HADHA: variants seen among roughly 807,000 people sequenced by gnomAD.
HADHA encodes trifunctional enzyme subunit alpha, mitochondrial.
Under a neutral mutation model 91.3 loss-of-function variants are expected in HADHA, and 59 were observed. The observed-to-expected ratio is 0.65, with a 90% confidence interval of 0.52 to 0.80. The LOEUF is 0.80. Among genes scored for constraint, HADHA ranks in the 30% least tolerant of loss-of-function variants. The pLI is 0.00. For missense variants in HADHA, 800 were observed against 927.6 expected (o/e 0.86, Z 1.79); for synonymous variants, 320 against 338.9 (o/e 0.94, Z 0.61).
chr2:26,244,484 C>A, intron 1 of HADHA, 46 bp downstream of exon 1: 13 of 1,546,108 alleles, frequency 8.4e-6, no homozygotes, highest in Middle Eastern at 1.7e-4. Flanking sequence ...CCAGTCCCGG[C>A]AGGAGTTCTG....
chr2:26,216,083 C>T (rs923136870), intron 7 of HADHA, among the ~76,000 whole-genome samples: 3 of 152,178 alleles, frequency 2.0e-5, no homozygotes, highest in Admixed American at 6.5e-5. Context: ...GCCTGGGCAA[C>T]ATAGTGAGAC....
chr2:26,216,424 GA>G (rs1670222692), intron 7 of HADHA, among the ~76,000 whole-genome samples: 1 of 148,630 alleles, frequency 6.7e-6, no homozygotes, highest in South Asian at 2.1e-4. Flanking sequence ...AGTTTCAAGC[GA>G]TTCTCCTGCC....
At chr2:26,211,181 T>G (rs1670091179) in intron 10 of HADHA, among the ~76,000 whole-genome samples, 1 of 152,210 alleles carries the variant, frequency 6.6e-6, no homozygotes, top group African/African-American at 2.4e-5. Flanking sequence ...CTGAGCACAA[T>G]GCACACAGGA....
intron 5 of HADHA, among the ~76,000 whole-genome samples, chr2:26,232,779 G>A (rs1670654113): frequency 6.6e-6 from 1 of 152,216 alleles, no homozygotes; most frequent in African/African-American, 2.4e-5. Flanking sequence ...GATATGTTCT[G>A]AGAAATGTAC....
At chr2:26,201,357 A>G (rs1243596115) in intron 12 of HADHA, 37 bp from the exon 13 acceptor site, 1 of 1,432,432 alleles carries the variant, frequency 7.0e-7, no homozygotes, top group Admixed American at 1.7e-5. Flanking sequence ...TGGGAAGAAA[A>G]GGAAACTAAC....
rs531593487 is a variant in HADHA, at chr2:26,195,194, C to T, written c.1518G>A (p.Met506Ile). 2.5e-6 allele frequency: 4 copies of T among 1,612,424 alleles called. No homozygotes were observed. In the South Asian group the frequency reaches 4.4e-5, roughly 18 times the overall value. The change falls in exon 15 of 20, where the codon ATG becomes ATA. Residue 506 changes from methionine to isoleucine, a missense_variant. Coordinates refer to ENST00000380649, the MANE Select transcript of HADHA (RefSeq NM_000182.5). The stretch of plus-strand genomic sequence containing the variant: ...CGGTCGTGATAATCTCCAGCAGCTG[C>T]ATCTTGTCCACGGGAGAGAAGTAGT... ...GMHYFSPVDK[M>I]QLLEIITTEK...
chr2:26,231,228 T>G (rs1329448384), intron 6 of HADHA, among the ~76,000 whole-genome samples: 1 of 152,224 alleles, frequency 6.6e-6, no homozygotes, highest in Non-Finnish European at 1.5e-5. Context: ...TATTAGAAAA[T>G]TAACACCATA....
intron 7 of HADHA, among the ~76,000 whole-genome samples, chr2:26,223,041 C>A (rs1277854760): frequency 1.3e-5 from 2 of 152,156 alleles, no homozygotes; most frequent in Non-Finnish European, 2.9e-5. Context: ...ATCTAATCTA[C>A]CAGCAAAATT....
chr2:26,192,398 T>TA lies in HADHA; in HGVS notation c.1911_1912insT (p.Ile638TyrfsTer14), dbSNP rs1558314045. The TA allele has an allele frequency of 6.2e-7, 1 of 1,601,936 alleles. No homozygotes were observed. The highest frequency in any genetic ancestry group is 8.6e-7 in the Non-Finnish European group (1 of 1,168,876). On this transcript the variant is annotated frameshift_variant, in exon 18 of 20. Transcript: ENST00000380649. LOFTEE classifies it high-confidence loss of function. ...TTCCTCTTCACACCCTCCTGATAGATGTAAAAGCCCTTCCCAGATTTACGA... is the reference window on the plus strand; with the variant it reads ...TTCCTCTTCACACCCTCCTGATAGATAGTAAAAGCCCTTCCCAGATTTACGA...
At chr2:26,235,204 G>A (rs1482248741) in intron 4 of HADHA, 1 of 152,252 alleles carries the variant, frequency 6.6e-6, no homozygotes, top group Non-Finnish European at 1.5e-5. Flanking sequence ...GGCTACTCGG[G>A]AGGCTGAGGC....
At chr2:26,231,197 T>G (rs1670613752) in intron 6 of HADHA, among the ~76,000 whole-genome samples, 1 of 152,210 alleles carries the variant, frequency 6.6e-6, no homozygotes, top group Non-Finnish European at 1.5e-5. Context: ...GACATTCCTA[T>G]GAAGGAAAGC....
At chr2:26,239,066 A>G (rs1277781684) in intron 2 of HADHA, 36 bp downstream of exon 2, 3 of 1,575,778 alleles carry the variant, frequency 1.9e-6, no homozygotes, top group South Asian at 2.2e-5. Context: ...CCAAAAAGCA[A>G]TGTAAGCATA....
chr2:26,196,547 C>T (rs1303231916), intron 14 of HADHA, among the ~76,000 whole-genome samples: 1 of 152,168 alleles, frequency 6.6e-6, no homozygotes, highest in Non-Finnish European at 1.5e-5. Flanking sequence ...ACCAACTCAT[C>T]CTGGATGGCT....
chr2:26,201,586 T>A (rs1166088763), intron 12 of HADHA, among the ~76,000 whole-genome samples: 1 of 152,114 alleles, frequency 6.6e-6, no homozygotes, highest in Admixed American at 6.6e-5. Context: ...AAATGCCCAA[T>A]TTACGTAAAC....
At chr2:26,232,945 A>T (rs1670659389) in intron 5 of HADHA, among the ~76,000 whole-genome samples, 1 of 119,674 alleles carries the variant, frequency 8.4e-6, no homozygotes, top group Non-Finnish European at 1.7e-5. Context: ...GTTTTGTGAA[A>T]GGCAATTTTT....
At chr2:26,237,039 T>TGTAC in intron 3 of HADHA, 51 bp from the exon 4 acceptor site, 1 of 1,268,558 alleles carries the variant, frequency 7.9e-7, no homozygotes, top group Non-Finnish European at 1.2e-6. Flanking sequence ...AAGCACTGGA[T>TGTAC]GTACGTACCA....
chr2:26,204,217 G>T, intron 11 of HADHA, 21 bp from the exon 12 acceptor site: 1 of 1,612,416 alleles, frequency 6.2e-7, no homozygotes, highest in Non-Finnish European at 8.5e-7. Context: ...AGGATGAAAT[G>T]ACTTTCGGTA....
At position 26,244,573 on chromosome 2, in the gene HADHA, G is replaced by A. The variant is rs942208244; in HGVS notation, c.24C>T (p.Gly8=). The A allele has an allele frequency of 1.3e-6, 2 of 1,587,730 alleles. No homozygotes were observed. Among genetic ancestry groups the A allele is most frequent in the South Asian group, 1.1e-5 (1 of 87,220 alleles). ...TGAAGGCAGAAAAGCGGCTGAGGATGCCAATCGCCCGGCAGGCCACCATCT... is the reference window on the plus strand; with the variant it reads ...TGAAGGCAGAAAAGCGGCTGAGGATACCAATCGCCCGGCAGGCCACCATCT... The part of the protein sequence containing the change: MVACRAI[G]ILSRFSAFRI... The change falls in exon 1 of 20, where the codon GGC becomes GGT. Residue 8 remains glycine (G), a synonymous_variant. Transcript: ENST00000380649.
rs786205088 is a variant in HADHA, at chr2:26,238,933, C to T, written c.180+1G>A. 3.2e-6 allele frequency: 5 copies of T among 1,584,870 alleles called. No individual in the cohort carries two copies. Among genetic ancestry groups the T allele is most frequent in the South Asian group, 1.1e-5 (1 of 90,488 alleles). On this transcript the variant is annotated splice_donor_variant, in intron 3 of 19. Coordinates refer to ENST00000380649, the MANE Select transcript of HADHA (RefSeq NM_000182.5). LOFTEE classifies it high-confidence loss of function. ...AAAAAACTGCAAATTAAATGAGATA[C>T]CTTTGAATTGGGAGAGTTAATTCGA...
Sources: allele counts gnomAD v4.1 joint callset (sites outside exome capture counted in the v4.1 genomes callset), GRCh38; gene constraint gnomAD v4.1.1; transcripts MANE v1.5; gene names NCBI Gene and HGNC (gene_info 2026-07-23, HGNC 2026-07-21).